The following JAKMIP1 variants were observed in gnomAD, a reference collection of about 807,000 sequenced individuals.
JAKMIP1 encodes janus kinase and microtubule-interacting protein 1.
Under a neutral mutation model 113.0 loss-of-function variants are expected in JAKMIP1, and 33 were observed. That is an observed-to-expected ratio of 0.29 (90% CI 0.22 to 0.39). The LOEUF (loss-of-function observed/expected upper bound fraction) is 0.39, where lower values mean the gene tolerates loss of function less well. Ranked by LOEUF, JAKMIP1 falls within the 10% of genes least tolerant of loss-of-function variation. JAKMIP1 has a pLI of 1.00. For missense variants in JAKMIP1, 813 were observed against 1,080.5 expected, an observed-to-expected ratio of 0.75 and a Z score of 3.47; for synonymous variants, 480 against 459.9, an observed-to-expected ratio of 1.04 and a Z score of -0.56.
At chr4:6,084,743 C>T (rs1387039037) in intron 5 of JAKMIP1, 103 bp downstream of exon 5, 1 of 1,201,796 alleles carries the variant, frequency 8.3e-7, no homozygotes, top group African/African-American at 1.6e-5. Context: ...TTCAGAGAAC[C>T]AGAAGGCTTC....
At chr4:6,078,868 C>T (rs1269389854) in intron 8 of JAKMIP1, 71 bp downstream of exon 8, 1 of 1,512,702 alleles carries the variant, frequency 6.6e-7, no homozygotes, top group Non-Finnish European at 9.2e-7. Context: ...CCTCCCCACT[C>T]CACGACCCAT....
chr4:6,135,906 G>A lies in JAKMIP1; in HGVS notation c.-147-22909C>T, dbSNP rs1158685845. On this transcript the variant is annotated intron_variant, in intron 1 of 20. Coordinates refer to ENST00000409021, the MANE Select transcript of JAKMIP1 (RefSeq NM_001099433.2). The surrounding 1 kb of genome is among the most constrained non-coding windows in gnomAD (Gnocchi z 4.9). ...GGACTTAAGAAATGGTGGGGGGAGA[G>A]GTGGGGGGGGACAGCAAAAATAAGG... 1.3e-5 allele frequency among the ~76,000 whole-genome samples: 2 copies of A among 151,654 alleles called. No individual in the cohort carries two copies. The highest frequency in any genetic ancestry group is 1.5e-5 in the Non-Finnish European group (1 of 67,928).
chr4:6,128,960 G>A (rs572121152), intron 1 of JAKMIP1, among the ~76,000 whole-genome samples: 5 of 152,342 alleles, frequency 3.3e-5, no homozygotes, highest in East Asian at 1.9e-4. Flanking sequence ...GCCCCTGGCC[G>A]TCTCACCCGG....
intron 1 of JAKMIP1, among the ~76,000 whole-genome samples, chr4:6,151,156 A>G (rs1043516812): frequency 3.3e-5 from 5 of 152,206 alleles, no homozygotes; most frequent in African/African-American, 1.2e-4. Context: ...TGACACGGCC[A>G]TAGCACCCTA....
intron 5 of JAKMIP1, among the ~76,000 whole-genome samples, chr4:6,084,310 C>T: frequency 8.2e-6 from 1 of 121,852 alleles, no homozygotes; most frequent in East Asian, 2.4e-4. Flanking sequence ...AAGAGTGAAA[C>T]TTTATCTCAA....
At position 6,050,727 on chromosome 4, in the gene JAKMIP1, C is replaced by A. The variant is rs962787716; in HGVS notation, c.1807-48G>T. 7.0e-7 allele frequency: 1 copy of A among 1,433,594 alleles called. No individual in the cohort carries two copies. The highest frequency in any genetic ancestry group is 9.6e-7 in the Non-Finnish European group (1 of 1,041,056). The allele number at this position is 1,433,594 out of a possible 1,614,324, so 88.8% of individuals were successfully genotyped here. ...AAACAGAATGTGACCGGATTATTTA[C>A]CACTTGCCATTTTCCCACGTTACTC... is the stretch of plus-strand genomic sequence containing the variant. On this transcript the variant is annotated intron_variant, in intron 13 of 20. Coordinates refer to ENST00000409021, the MANE Select transcript of JAKMIP1 (RefSeq NM_001099433.2). This position sits in a 1 kb window ranked among gnomAD's most constrained non-coding sequence, Gnocchi z 7.4.
intron 4 of JAKMIP1, among the ~76,000 whole-genome samples, chr4:6,085,214 A>ACCCCGTATCTCTTACAAAGGCCG (rs1479954314): frequency 6.6e-6 from 1 of 151,520 alleles, no homozygotes; most frequent in East Asian, 1.9e-4. Flanking sequence ...GGCCCCTCCC[A>ACCCCGTATCTCTTACAAAGGCCG]CCCCGTATCT....
chr4:6,183,725 C>T lies in JAKMIP1; in HGVS notation c.-148+16528G>A, dbSNP rs367702555. Among the ~76,000 whole-genome samples the T allele has an allele frequency of 6.6e-6, 1 of 152,098 alleles. No individual in the cohort carries two copies. Among genetic ancestry groups the T allele is most frequent in the East Asian group, 1.9e-4 (1 of 5,172 alleles). On this transcript the variant is annotated intron_variant, in intron 1 of 20. Transcript: ENST00000409021. This position sits in a 1 kb window ranked among gnomAD's most constrained non-coding sequence, Gnocchi z 5.3. ...CACCAACTCAAATGGGCTGCAAACC[C>T]AATATTAACCCTGGTAGACCCCACT...
At chr4:6,169,451 G>A (rs949331419) in intron 1 of JAKMIP1, among the ~76,000 whole-genome samples, 7 of 152,182 alleles carry the variant, frequency 4.6e-5, no homozygotes, top group Non-Finnish European at 8.8e-5. Context: ...GGGGTTGGGA[G>A]AAGTGAAGAA....
rs1331493802 is a variant in JAKMIP1, at chr4:6,154,767, G to A, written c.-147-41770C>T. Reference sequence around the variant, plus strand: ...CCACCCCCAGCCATCATGAACTACAGACAGCACCCTAAACATCCTGTTCTG... The same window carrying A: ...CCACCCCCAGCCATCATGAACTACAAACAGCACCCTAAACATCCTGTTCTG... On this transcript the variant is annotated intron_variant, in intron 1 of 20. Transcript: ENST00000409021. This position sits in a 1 kb window ranked among gnomAD's most constrained non-coding sequence, Gnocchi z 4.2. Among the ~76,000 whole-genome samples the A allele has an allele frequency of 1.3e-5, 2 of 152,068 alleles. No homozygotes were observed. The highest frequency in any genetic ancestry group is 2.4e-5 in the African/African-American group (1 of 41,400).
chr4:6,030,862 G>A lies in JAKMIP1; in HGVS notation c.2380-1081C>T, dbSNP rs75441809. 3.5e-3 allele frequency among the ~76,000 whole-genome samples: 539 copies of A among 152,332 alleles called. 2 individuals carry two copies. The highest frequency in any genetic ancestry group is 0.012 in the African/African-American group (483 of 41,578). On this transcript the variant is annotated intron_variant, in intron 19 of 20. Coordinates refer to ENST00000409021, the MANE Select transcript of JAKMIP1 (RefSeq NM_001099433.2). ...CAGATTGCCAGGCCCTGCCCACAGA[G>A]CTTCTGCCTCAGCCCAGCTGGGGTG... is the stretch of plus-strand genomic sequence containing the variant.
chr4:6,074,020 C>T (rs1205273419), intron 8 of JAKMIP1, among the ~76,000 whole-genome samples: 1 of 152,270 alleles, frequency 6.6e-6, no homozygotes, highest in East Asian at 1.9e-4. Flanking sequence ...CGAGGAACCA[C>T]TCAGGATCCT....
intron 19 of JAKMIP1, among the ~76,000 whole-genome samples, chr4:6,033,419 G>A (rs957071926): frequency 1.3e-5 from 2 of 152,202 alleles, no homozygotes; most frequent in African/African-American, 4.8e-5. Flanking sequence ...GAATATAAAG[G>A]TGAGAGAAGA....
chr4:6,119,370 C>A (rs1401239193), intron 1 of JAKMIP1, among the ~76,000 whole-genome samples: 3 of 152,036 alleles, frequency 2.0e-5, no homozygotes, highest in East Asian at 3.9e-4. Context: ...CATGAAGAAA[C>A]CCCCCTCTCG....
chr4:6,038,737 G>A (rs914381283), intron 18 of JAKMIP1, among the ~76,000 whole-genome samples: 9 of 152,244 alleles, frequency 5.9e-5, no homozygotes, highest in African/African-American at 1.9e-4. Flanking sequence ...CCCTGGCAGA[G>A]CTGCGGGGCC....
At chr4:6,146,574 A>G (rs111510784) in intron 1 of JAKMIP1, among the ~76,000 whole-genome samples, 1 of 152,092 alleles carries the variant, frequency 6.6e-6, no homozygotes, top group Non-Finnish European at 1.5e-5. Flanking sequence ...GACTACAGGC[A>G]TGAGCCACTG....
intron 1 of JAKMIP1, among the ~76,000 whole-genome samples, chr4:6,191,807 C>G (rs1727284085): frequency 1.3e-5 from 2 of 151,944 alleles, no homozygotes; most frequent in African/African-American, 4.8e-5. Flanking sequence ...TCATTTAGCC[C>G]AATATATACA....
At chr4:6,026,550 G>T (rs1331939233) in intron 20 of JAKMIP1, among the ~76,000 whole-genome samples, 2 of 152,022 alleles carry the variant, frequency 1.3e-5, no homozygotes, top group Non-Finnish European at 1.5e-5. Flanking sequence ...TGACACTCTG[G>T]ACCGGGACAG....
chr4:6,080,153 C>T lies in JAKMIP1; in HGVS notation c.1242+19G>A, dbSNP rs371132564. 6.3e-6 allele frequency: 10 copies of T among 1,580,400 alleles called. No homozygotes were observed. The African/African-American group carries it at 1.2e-4, about 19-fold the overall frequency. On this transcript the variant is annotated intron_variant, in intron 7 of 20. Coordinates refer to ENST00000409021, the MANE Select transcript of JAKMIP1 (RefSeq NM_001099433.2). The surrounding 1 kb of genome is among the most constrained non-coding windows in gnomAD (Gnocchi z 6.0). Reference sequence around the variant, plus strand: ...GCCACCCCTGCCAGGGGCAGCCGCGCCAGCTGTGCTAGATGTACCAGTGAG... The same window carrying T: ...GCCACCCCTGCCAGGGGCAGCCGCGTCAGCTGTGCTAGATGTACCAGTGAG...
Sources: gnomAD v4.1 joint callset for allele counts (sites outside exome capture counted in the v4.1 genomes callset) on GRCh38, gnomAD v4.1.1 for gene constraint, Gnocchi (gnomAD v3.1) non-coding constraint, MANE v1.5 for transcripts, NCBI Gene and HGNC (gene_info 2026-07-23, HGNC 2026-07-21) for gene names.